Variants in EYS observed in about 807,000 individuals in gnomAD.
The protein encoded by EYS is protein eyes shut homolog.
Under a neutral mutation model 282.1 loss-of-function variants are expected in EYS, and 250 were observed. The observed-to-expected ratio is 0.89, with a 90% CI of 0.80 to 0.98. EYS has a LOEUF of 0.98. Ranked by LOEUF, EYS falls within the 50% of genes least tolerant of loss-of-function variation. EYS has a pLI of 0.00. For synonymous variants in EYS, 1,355 were observed against 1,282.9 expected (o/e 1.06, Z -1.20); for missense variants, 4,016 against 3,709.0 (o/e 1.08, Z -2.15).
chr6:65,501,967 C>A (rs1403954486), intron 2 of EYS, among the ~76,000 whole-genome samples: 1 of 151,366 alleles, frequency 6.6e-6, no homozygotes, highest in Non-Finnish European at 1.5e-5. Flanking sequence ...ATAAATTATG[C>A]CTTATTTTGT....
intron 22 of EYS, among the ~76,000 whole-genome samples, chr6:64,753,313 C>T (rs1283007042): frequency 1.3e-5 from 2 of 151,726 alleles, no homozygotes; most frequent in Non-Finnish European, 2.9e-5. Flanking sequence ...AAAACAGCAA[C>T]AACAACAACA....
chr6:63,795,177 G>A lies in EYS; in HGVS notation c.7412-5953C>T, dbSNP rs1292782132. The stretch of plus-strand genomic sequence containing the variant: ...AAGTAAGTATGTTGTGGCAAGCCAT[G>A]CTTAGCATTATAACAGCAACTCATA... On this transcript the variant is annotated intron_variant, in intron 37 of 42. Transcript: ENST00000503581. Among the ~76,000 whole-genome samples the A allele has an allele frequency of 2.0e-5, 3 of 152,304 alleles. No individual in the cohort carries two copies. In the South Asian group the frequency reaches 6.2e-4, roughly 32 times the overall value.
chr6:64,460,538 T>G (rs1334153306), intron 26 of EYS, among the ~76,000 whole-genome samples: 2 of 152,228 alleles, frequency 1.3e-5, no homozygotes, highest in Non-Finnish European at 2.9e-5. Context: ...ATAGATTCCT[T>G]ATGCTTAAAA....
chr6:63,721,185 T>A lies in EYS; in HGVS notation c.8846A>T (p.Glu2949Val), dbSNP rs1768370055. The A allele has an allele frequency of 6.4e-7, 1 of 1,551,640 alleles. No individual in the cohort carries two copies. The highest frequency in any genetic ancestry group is 2.4e-5 in the East Asian group (1 of 40,914). ...TGCAGTTGAAAATGAAGTTTTGTTT[T>A]CACAATACCTTCCCACCCAACCCAA... is the stretch of plus-strand genomic sequence containing the variant. ...CTLGWVGRYC[E>V]NKTSFSTAKF... Residue 2949 changes from glutamate to valine, a missense_variant, in exon 43 of 43, where the codon GAA becomes GTA. Glu to Val is a moderately radical substitution (Grantham distance 121, BLOSUM62 -2). Transcript: ENST00000503581.
At chr6:63,852,931 C>A (rs1772297636) in intron 36 of EYS, among the ~76,000 whole-genome samples, 1 of 152,186 alleles carries the variant, frequency 6.6e-6, no homozygotes, top group Non-Finnish European at 1.5e-5. Flanking sequence ...TAAAATTCAA[C>A]ACCCCTTCAT....
At position 65,059,002 on chromosome 6, in the gene EYS, G is replaced by A. The variant is rs543497816; in HGVS notation, c.2024-1275C>T. 2.1e-4 allele frequency among the ~76,000 whole-genome samples: 32 copies of A among 151,924 alleles called. 1 individual carries two copies. The South Asian group carries it at 5.8e-3, about 28-fold the overall frequency. On this transcript the variant is annotated intron_variant, in intron 12 of 42. Coordinates refer to ENST00000503581, the MANE Select transcript of EYS (RefSeq NM_001142800.2). ...TCAAATTAATCTAATAGGAATCAAC[G>A]TACTGGACTAAATAGAAAATATCAC... is the stretch of plus-strand genomic sequence containing the variant.
intron 2 of EYS, among the ~76,000 whole-genome samples, chr6:65,514,920 A>G (rs1767062380): frequency 6.6e-6 from 1 of 152,162 alleles, no homozygotes; most frequent in South Asian, 2.1e-4. Flanking sequence ...CAATGGCAAC[A>G]AAAGCCAAAA....
Position 64,945,785 on chromosome 6 carries a change from T to A in EYS, c.2381+8A>T. On this transcript the variant is annotated splice_region_variant and intron_variant, in intron 15 of 42. Transcript: ENST00000503581. ...TTTCATGAAGAAAGCTAAAAATATG[T>A]TACTCACCGATAGCTTTTGTAAAGG... The A allele has an allele frequency of 1.9e-6, 3 of 1,548,700 alleles. No individual in the cohort carries two copies. Among genetic ancestry groups the A allele is most frequent in the Non-Finnish European group, 2.6e-6 (3 of 1,145,090 alleles).
At chr6:64,658,288 C>T (rs1011128342) in intron 22 of EYS, among the ~76,000 whole-genome samples, 1 of 143,508 alleles carries the variant, frequency 7.0e-6, no homozygotes, top group African/African-American at 2.7e-5. Context: ...ACTTCTTTGC[C>T]ATGGGTTCGA....
intron 22 of EYS, among the ~76,000 whole-genome samples, chr6:64,772,148 A>G (rs1773544515): frequency 6.6e-6 from 1 of 151,746 alleles, no homozygotes; most frequent in Non-Finnish European, 1.5e-5. Context: ...TGAGAATAAT[A>G]CATGGTTGGT....
intron 35 of EYS, among the ~76,000 whole-genome samples, chr6:63,890,509 A>G (rs138126075): frequency 0.01 from 1,599 of 152,324 alleles, 16 homozygotes; most frequent in Non-Finnish European, 0.014. Flanking sequence ...GGTAAATAAC[A>G]AAATTAAGGC....
At chr6:65,680,298 A>G (rs1768772446) in intron 1 of EYS, among the ~76,000 whole-genome samples, 1 of 151,946 alleles carries the variant, frequency 6.6e-6, no homozygotes, top group African/African-American at 2.4e-5. Flanking sequence ...CCTTAACAAT[A>G]TGAACTAGAT....
chr6:65,151,836 C>T (rs993319495), intron 12 of EYS, among the ~76,000 whole-genome samples: 9 of 151,788 alleles, frequency 5.9e-5, no homozygotes, highest in Non-Finnish European at 1.3e-4. Context: ...TCTAATTTTT[C>T]AGGAAAATAT....
chr6:64,359,690 G>A (rs544924384), intron 29 of EYS, among the ~76,000 whole-genome samples: 3 of 151,746 alleles, frequency 2.0e-5, no homozygotes, highest in African/African-American at 7.2e-5. Context: ...GCTTGCAGAT[G>A]GCCTCTTTCT....
chr6:64,236,769 A>G (rs189513897), intron 30 of EYS, among the ~76,000 whole-genome samples: 1 of 144,046 alleles, frequency 6.9e-6, no homozygotes, highest in Admixed American at 6.9e-5. Context: ...TAATTTTTTA[A>G]TTTTTTATCT....
intron 1 of EYS, among the ~76,000 whole-genome samples, chr6:65,643,088 T>C (rs1582555581): frequency 6.6e-6 from 1 of 152,298 alleles, no homozygotes; most frequent in East Asian, 1.9e-4. Context: ...GCCAAAACAT[T>C]GTGAGTGTAC....
chr6:65,479,499 T>A (rs1241896112), intron 5 of EYS, among the ~76,000 whole-genome samples: 1 of 152,120 alleles, frequency 6.6e-6, no homozygotes, highest in Non-Finnish European at 1.5e-5. Context: ...AATAGACCAA[T>A]AGAATAGAAC....
intron 26 of EYS, among the ~76,000 whole-genome samples, chr6:64,485,610 A>G (rs1776558723): frequency 6.6e-6 from 1 of 151,514 alleles, no homozygotes; most frequent in African/African-American, 2.4e-5. Flanking sequence ...AGAAATCCAG[A>G]GAACATTTCC....
chr6:64,769,708 G>A (rs372584150), intron 22 of EYS, among the ~76,000 whole-genome samples: 3 of 151,966 alleles, frequency 2.0e-5, no homozygotes, highest in Non-Finnish European at 4.4e-5. Flanking sequence ...ACAGAACCAC[G>A]AAATTCTTCC....
Sources: allele counts gnomAD v4.1 joint callset (sites outside exome capture counted in the v4.1 genomes callset), GRCh38; gene constraint gnomAD v4.1.1; transcripts MANE v1.5; gene names NCBI Gene and HGNC (gene_info 2026-07-23, HGNC 2026-07-21).